Variants in PCDH15 observed in about 807,000 individuals in gnomAD.
PCDH15 encodes the protein protocadherin-15.
In PCDH15, 129 loss-of-function variants were observed where a neutral mutation model predicts 178.5. The observed-to-expected ratio is 0.72, with a 90% CI of 0.63 to 0.84. The LOEUF (loss-of-function observed/expected upper bound fraction) is 0.84. Ranked by LOEUF, PCDH15 falls within the 40% of genes least tolerant of loss-of-function variation. The pLI is 0.00. For missense variants in PCDH15, 2,230 were observed against 2,099.9 expected, an observed-to-expected ratio of 1.06 and a Z score of -1.21; for synonymous variants, 800 against 732.0, an observed-to-expected ratio of 1.09 and a Z score of -1.50.
chr10:54,181,700 T>C (rs2047999923), intron 13 of PCDH15, among the ~76,000 whole-genome samples: 1 of 152,154 alleles, frequency 6.6e-6, no homozygotes, highest in Non-Finnish European at 1.5e-5. Flanking sequence ...TAAAACACAT[T>C]CATTTTATTA....
chr10:54,019,793 T>C (rs1243053433), intron 20 of PCDH15, among the ~76,000 whole-genome samples: 3 of 152,054 alleles, frequency 2.0e-5, no homozygotes, highest in Non-Finnish European at 2.9e-5. Context: ...AAATTAATTT[T>C]AGGGCCTAAG....
chr10:54,630,479 C>A (rs879447351), intron 2 of PCDH15, among the ~76,000 whole-genome samples: 5 of 152,104 alleles, frequency 3.3e-5, no homozygotes, highest in Non-Finnish European at 7.4e-5. Flanking sequence ...AATGAAACTG[C>A]ACCCTTGCCT....
rs377564673 is a variant in PCDH15 at position 54,572,826 on chromosome 10, G to A, written c.92-44949C>T. ...AACAAGTAACCAGAAAAATAAAAGA[G>A]AAAAAGGATAATTCACTTCTCTATT... On this transcript the variant is annotated intron_variant, in intron 2 of 37. Coordinates refer to ENST00000644397, the MANE Select transcript of PCDH15 (RefSeq NM_001384140.1). Among the ~76,000 whole-genome samples the A allele has an allele frequency of 2.6e-5, 4 of 152,040 alleles. No individual in the cohort carries two copies. In the South Asian group the frequency reaches 6.2e-4, roughly 24 times the overall value.
chr10:55,399,376 G>T (rs1427819572), intron 2 of PCDH15, among the ~76,000 whole-genome samples: 1 of 152,080 alleles, frequency 6.6e-6, no homozygotes, highest in Non-Finnish European at 1.5e-5. Context: ...AACTATAAAA[G>T]CTCAGAAGAC....
intron 3 of PCDH15, among the ~76,000 whole-genome samples, chr10:54,422,185 G>A (rs757754715): frequency 5.9e-5 from 9 of 151,702 alleles, no homozygotes; most frequent in Non-Finnish European, 1.0e-4. Context: ...GAAATAATAA[G>A]CAGCACTTGA....
At chr10:54,092,218 C>T (rs2094610625) in intron 15 of PCDH15, among the ~76,000 whole-genome samples, 1 of 152,118 alleles carries the variant, frequency 6.6e-6, no homozygotes, top group African/African-American at 2.4e-5. Context: ...TCAGCAGATC[C>T]CACCAGATTT....
At chr10:55,442,470 T>TATATATAATA (rs5785132) in intron 2 of PCDH15, among the ~76,000 whole-genome samples, 17 of 124,682 alleles carry the variant, frequency 1.4e-4, no homozygotes, top group African/African-American at 5.4e-4. Context: ...TATATATATA[T>TATATATAATA]TATATATATA....
intron 2 of PCDH15, among the ~76,000 whole-genome samples, chr10:55,498,593 A>G (rs1207697870): frequency 6.6e-6 from 1 of 151,916 alleles, no homozygotes; most frequent in Non-Finnish European, 1.5e-5. Flanking sequence ...GTATCTTTGA[A>G]CAATGAAAAC....
intron 2 of PCDH15, among the ~76,000 whole-genome samples, chr10:54,949,739 C>A (rs1838287882): frequency 6.6e-6 from 1 of 152,098 alleles, no homozygotes; most frequent in Non-Finnish European, 1.5e-5. Context: ...ATTTCTTCCA[C>A]CAGACACCCT....
intron 1 of PCDH15, among the ~76,000 whole-genome samples, chr10:55,189,893 A>T (rs1380469337): frequency 6.6e-6 from 1 of 151,794 alleles, no homozygotes; most frequent in Non-Finnish European, 1.5e-5. Flanking sequence ...CTATCCCATG[A>T]CCCAGAAATT....
In PCDH15 at chr10:55,615,659, G is replaced by A. The variant is rs770555853; in HGVS notation, c.-156+11966C>T. Reference sequence around the variant, plus strand: ...GAGGCAATAAGGTCAATTGAGTCTAGGAGTTCCAGATCAGCCTGGGCAACA... The same window carrying A: ...GAGGCAATAAGGTCAATTGAGTCTAAGAGTTCCAGATCAGCCTGGGCAACA... On this transcript the variant is annotated intron_variant, in intron 2 of 5. Transcript: ENST00000613346. Among the ~76,000 whole-genome samples the A allele has an allele frequency of 5.3e-5, 8 of 152,180 alleles. 1 individual carries two copies. The highest frequency in any genetic ancestry group is 1.9e-4 in the African/African-American group (8 of 41,516).
intron 1 of PCDH15, among the ~76,000 whole-genome samples, chr10:54,697,880 C>T (rs10825377): frequency 0.83 from 126,882 of 152,000 alleles, 53,859 homozygotes; most frequent in Non-Finnish European, 0.93. Context: ...TTATTTCTTA[C>T]TCTAACAGGC....
chr10:54,005,652 G>T (rs1485531538), intron 20 of PCDH15, among the ~76,000 whole-genome samples: 1 of 151,976 alleles, frequency 6.6e-6, no homozygotes, highest in African/African-American at 2.4e-5. Flanking sequence ...TAAAAGTCAG[G>T]CAATGGCAAA....
intron 2 of PCDH15, among the ~76,000 whole-genome samples, chr10:55,536,412 T>C (rs868248619): frequency 2.6e-5 from 4 of 152,104 alleles, no homozygotes; most frequent in South Asian, 4.1e-4. Flanking sequence ...ATTCTTTCAA[T>C]ATGTATTTGA....
At chr10:54,786,204 T>C (rs1011133504) in intron 1 of PCDH15, among the ~76,000 whole-genome samples, 1 of 152,036 alleles carries the variant, frequency 6.6e-6, no homozygotes, top group African/African-American at 2.4e-5. Context: ...AGTCATGCAT[T>C]CATCTGTATA....
chr10:55,580,427 G>A (rs890537133), intron 2 of PCDH15, among the ~76,000 whole-genome samples: 1 of 144,630 alleles, frequency 6.9e-6, no homozygotes. Context: ...ACATGATCTC[G>A]GCTCACTGCA....
At chr10:55,059,120 CG>C (rs1337415439) in intron 2 of PCDH15, among the ~76,000 whole-genome samples, 2 of 152,064 alleles carry the variant, frequency 1.3e-5, no homozygotes, top group Admixed American at 6.6e-5. Flanking sequence ...AAGTCAATAC[CG>C]GATTTACCCA....
At chr10:55,537,541 T>G (rs1841607537) in intron 2 of PCDH15, among the ~76,000 whole-genome samples, 1 of 125,818 alleles carries the variant, frequency 7.9e-6, no homozygotes, top group South Asian at 2.9e-4. Flanking sequence ...GTTTAAGCAA[T>G]TCTCCTGCCT....
intron 2 of PCDH15, among the ~76,000 whole-genome samples, chr10:55,121,870 G>A (rs910544544): frequency 2.6e-5 from 4 of 151,912 alleles, no homozygotes; most frequent in Admixed American, 6.5e-5. Context: ...AAATCTTCCA[G>A]TGCTTTGATC....
Sources: gnomAD v4.1 joint callset for allele counts (sites outside exome capture counted in the v4.1 genomes callset) on GRCh38, gnomAD v4.1.1 for gene constraint, MANE v1.5 for transcripts, NCBI Gene and HGNC (gene_info 2026-07-23, HGNC 2026-07-21) for gene names.